The following AOPEP variants were observed in gnomAD, a reference collection of about 807,000 sequenced individuals.
The protein encoded by AOPEP is aminopeptidase O (putative).
Under a neutral mutation model 98.1 loss-of-function variants are expected in AOPEP, and 77 were observed. The ratio of observed to expected loss-of-function variants is 0.78; its 90% confidence interval spans 0.65 to 0.95. AOPEP has a LOEUF of 0.95. Among genes scored for constraint, AOPEP ranks in the 40% least tolerant of loss-of-function variants. The pLI is 0.00. For missense variants in AOPEP, 1,024 were observed against 1,024.7 expected, an observed-to-expected ratio of 1.00 and a Z score of 0.01; for synonymous variants, 346 against 365.3, an observed-to-expected ratio of 0.95 and a Z score of 0.60.
At chr9:95,030,410 C>T (rs4744425) in intron 13 of AOPEP, among the ~76,000 whole-genome samples, 126,794 of 152,194 alleles carry the variant, frequency 0.83, 53,288 homozygotes, top group Non-Finnish European at 0.89. Context: ...TCATAAAAAG[C>T]AACTTCATTG....
intron 13 of AOPEP, among the ~76,000 whole-genome samples, chr9:95,020,918 C>CAAAAAAAAAAAAAAAAA (rs55696602): frequency 1.4e-5 from 1 of 73,344 alleles, no homozygotes; most frequent in Non-Finnish European, 2.5e-5. Flanking sequence ...GACCTTGTCT[C>CAAAAAAAAAAAAAAAAA]AAAAAAAAAA....
At chr9:95,139,690 A>AT in the AOPEP span, among the ~76,000 whole-genome samples, 1 of 151,706 alleles carries the variant, frequency 6.6e-6, no homozygotes, top group African/African-American at 2.4e-5. Flanking sequence ...TGAGCAGACA[A>AT]TGGCTTTATA....
At position 95,082,957 on chromosome 9, in the gene AOPEP, C is replaced by T. The variant is rs975280056; in HGVS notation, c.*4+238C>T. ...TCACCGGGAAGCAGAGGCTGTCCAC[C>T]TGGAGGCACAGCGGCACTCCTTGGC... On this transcript the variant is annotated intron_variant, in intron 16 of 16. Transcript: ENST00000375315. 1.3e-5 allele frequency: 7 copies of T among 519,670 alleles called. No individual in the cohort carries two copies. The Admixed American group carries it at 2.4e-4, about 18-fold the overall frequency. The allele number at this position is 519,670 out of a possible 1,614,324, so 32.2% of individuals were successfully genotyped here.
chr9:94,910,962 G>A (rs1177616116), intron 5 of AOPEP, among the ~76,000 whole-genome samples: 1 of 152,128 alleles, frequency 6.6e-6, no homozygotes. Context: ...TTTGCCTAGG[G>A]TTTATGATAC....
chr9:94,960,073 A>G (rs988504747), intron 9 of AOPEP, among the ~76,000 whole-genome samples: 1 of 152,202 alleles, frequency 6.6e-6, no homozygotes, highest in Non-Finnish European at 1.5e-5. Context: ...CCCTTTACCT[A>G]TATATTCCAT....
chr9:94,780,364 T>TC (rs1842991564), intron 3 of AOPEP, among the ~76,000 whole-genome samples: 2 of 152,190 alleles, frequency 1.3e-5, no homozygotes, highest in Admixed American at 1.3e-4. Flanking sequence ...CCTTTTTTTT[T>TC]CCCCAAATTC....
intron 10 of AOPEP, among the ~76,000 whole-genome samples, chr9:94,973,665 G>C (rs1013223197): frequency 6.6e-6 from 1 of 152,204 alleles, no homozygotes; most frequent in South Asian, 2.1e-4. Context: ...GAGGCCCAGG[G>C]CTAAGGCCTG....
chr9:94,812,144 T>C (rs372196667), intron 5 of AOPEP, among the ~76,000 whole-genome samples: 1 of 152,160 alleles, frequency 6.6e-6, no homozygotes, highest in Non-Finnish European at 1.5e-5. Context: ...GAAAGGGTGC[T>C]TGTTCTTAGG....
chr9:95,145,502 G>A, the AOPEP span: 38 of 152,242 alleles, frequency 2.5e-4, no homozygotes, highest in African/African-American at 8.2e-4. Flanking sequence ...CAACAACACT[G>A]GGTGTCTTCC....
intron 4 of AOPEP, among the ~76,000 whole-genome samples, 194 bp downstream of exon 4, chr9:94,793,112 TC>T (rs775471501): frequency 2.6e-5 from 4 of 152,176 alleles, no homozygotes; most frequent in Non-Finnish European, 5.9e-5. Context: ...ACGCCTGTAA[TC>T]CCAACACTTT....
chr9:95,027,746 A>G (rs2063958502), intron 13 of AOPEP, among the ~76,000 whole-genome samples: 1 of 152,238 alleles, frequency 6.6e-6, no homozygotes, highest in Non-Finnish European at 1.5e-5. Flanking sequence ...AAAGTTGTGC[A>G]GGAAACTTTA....
chr9:95,110,987 A>G, the AOPEP span: 1 of 1,421,554 alleles, frequency 7.0e-7, no homozygotes, highest in South Asian at 1.5e-5. Context: ...ATGTAAATAA[A>G]GCCAGTAATG....
Position 95,032,853 on chromosome 9 carries a change from G to C in AOPEP, c.2115+27237G>C, listed in dbSNP as rs182260535. Among the ~76,000 whole-genome samples, 139 of 152,318 alleles carry C rather than the reference G, an allele frequency of 9.1e-4. 2 individuals carry two copies. The South Asian group carries it at 0.011, about 12-fold the overall frequency. On this transcript the variant is annotated intron_variant, in intron 13 of 16. Transcript: ENST00000375315. ...GATGTTACAGGACGTGCAGCCCTGAGAGCCCCAGAGCTCTTTTCTGACCAG... is the reference window on the plus strand; with the variant it reads ...GATGTTACAGGACGTGCAGCCCTGACAGCCCCAGAGCTCTTTTCTGACCAG...
At chr9:94,773,275 G>C in intron 3 of AOPEP, 107 bp downstream of exon 3, 1 of 1,038,898 alleles carries the variant, frequency 9.6e-7, no homozygotes, top group Non-Finnish European at 1.4e-6. Flanking sequence ...TATTAGTTGG[G>C]TTGGAAATGA....
At chr9:94,775,847 G>A (rs920619849) in intron 3 of AOPEP, among the ~76,000 whole-genome samples, 42 of 151,920 alleles carry the variant, frequency 2.8e-4, no homozygotes, top group East Asian at 7.8e-4. Flanking sequence ...TTAGTCAGGC[G>A]TGGTGGCGGG....
chr9:94,797,307 C>T (rs1847184701), intron 4 of AOPEP, among the ~76,000 whole-genome samples: 1 of 151,942 alleles, frequency 6.6e-6, no homozygotes, highest in Admixed American at 6.6e-5. Context: ...TGACGTGTGC[C>T]TGTAATCCTA....
intron 1 of AOPEP, among the ~76,000 whole-genome samples, chr9:94,743,726 A>C (rs529312111): frequency 1.3e-5 from 2 of 152,210 alleles, no homozygotes; most frequent in Admixed American, 1.3e-4. Context: ...ATGGGAGTGG[A>C]CCCGGGGGTG....
intron 13 of AOPEP, among the ~76,000 whole-genome samples, chr9:95,017,996 A>G (rs1013218504): frequency 2.0e-5 from 3 of 152,176 alleles, no homozygotes; most frequent in African/African-American, 7.2e-5. Flanking sequence ...TTTGCATTGT[A>G]TGGATATACT....
the AOPEP span, among the ~76,000 whole-genome samples, chr9:95,094,146 G>C: frequency 6.6e-6 from 1 of 151,948 alleles, no homozygotes; most frequent in Admixed American, 6.5e-5. Context: ...AGTTGCCCCA[G>C]TGGTTGTTGG....
Sources: allele counts gnomAD v4.1 joint callset (sites outside exome capture counted in the v4.1 genomes callset), GRCh38; gene constraint gnomAD v4.1.1; transcripts MANE v1.5; gene names NCBI Gene and HGNC (gene_info 2026-07-23, HGNC 2026-07-21).